ZFHX3: variants seen among roughly 807,000 people sequenced by gnomAD.
ZFHX3 encodes the protein zinc finger homeobox protein 3.
A neutral mutation model predicts 279.1 loss-of-function variants in ZFHX3; 42 were observed. The ratio of observed to expected loss-of-function variants is 0.15; its 90% confidence interval spans 0.12 to 0.19. The LOEUF (loss-of-function observed/expected upper bound fraction) is 0.19. Among genes scored for constraint, ZFHX3 ranks in the 10% least tolerant of loss-of-function variants. The pLI, the probability that ZFHX3 is intolerant of heterozygous loss-of-function variation, is 1.00. For missense variants in ZFHX3, 4,981 were observed against 4,754.0 expected (o/e 1.05, Z -1.40); for synonymous variants, 2,293 against 1,957.8 (o/e 1.17, Z -4.52).
chr16:73,248,028 T>C (rs1169865111), intron 5 of ZFHX3, among the ~76,000 whole-genome samples: 1 of 151,940 alleles, frequency 6.6e-6, no homozygotes, highest in African/African-American at 2.4e-5. Flanking sequence ...ATAATGTGTG[T>C]GTGTATATGT....
intron 1 of ZFHX3, among the ~76,000 whole-genome samples, chr16:73,695,867 T>C (rs1482745348): frequency 6.6e-6 from 1 of 152,082 alleles, no homozygotes; most frequent in Admixed American, 6.6e-5. Context: ...ACACCCAGGC[T>C]CGGCAAGAAG....
At chr16:73,258,416 C>G (rs2013721562) in intron 4 of ZFHX3, among the ~76,000 whole-genome samples, 1 of 151,906 alleles carries the variant, frequency 6.6e-6, no homozygotes, top group Non-Finnish European at 1.5e-5. Flanking sequence ...GTGGTGCAAT[C>G]TCGGCTCACT....
intron 1 of ZFHX3, among the ~76,000 whole-genome samples, chr16:73,777,962 T>C (rs1262374017): frequency 6.6e-6 from 1 of 152,082 alleles, no homozygotes; most frequent in Non-Finnish European, 1.5e-5. Flanking sequence ...AGAAACTCAC[T>C]CTGGCTACAC....
At chr16:73,524,504 C>T (rs2019658962) in intron 2 of ZFHX3, among the ~76,000 whole-genome samples, 1 of 152,204 alleles carries the variant, frequency 6.6e-6, no homozygotes. Context: ...CCTACCACTT[C>T]CCAAAGAGCT....
Position 73,805,073 on chromosome 16 carries a change from ACAAT to A in ZFHX3, c.-1608+86574_-1608+86577del, listed in dbSNP as rs376479555. On this transcript the variant is annotated intron_variant, in intron 1 of 17. Transcript: ENST00000641206. ...ATGTATTTCCTGCTGCACCTCTGACACAATCAGAGAAAATACCCTAACTATAGCT... is the reference window on the plus strand; with the variant it reads ...ATGTATTTCCTGCTGCACCTCTGACACAGAGAAAATACCCTAACTATAGCT... Among the ~76,000 whole-genome samples the A allele has an allele frequency of 8.5e-5, 13 of 152,294 alleles. No homozygotes were observed. The East Asian group carries it at 1.5e-3, about 18-fold the overall frequency.
Position 72,801,133 on chromosome 16 carries a change from G to A in ZFHX3, c.3865-1004C>T, listed in dbSNP as rs183285661. ...ATATGGGGTGGGAAGGGTAGGTGGC[G>A]ATGATATTTCAAATGAATTAGAAAC... On this transcript the variant is annotated intron_variant, in intron 7 of 9. Transcript: ENST00000268489. Among the ~76,000 whole-genome samples, 320 of 152,278 alleles carry A rather than the reference G, an allele frequency of 2.1e-3. 1 individual carries two copies. Among genetic ancestry groups the A allele is most frequent in the Non-Finnish European group, 3.7e-3 (254 of 68,012 alleles).
intron 2 of ZFHX3, among the ~76,000 whole-genome samples, chr16:73,539,441 T>C (rs1038846946): frequency 4.0e-5 from 5 of 124,746 alleles, no homozygotes; most frequent in African/African-American, 1.5e-4. Flanking sequence ...TTCTTTTTTT[T>C]TTTTTTTTTT....
At chr16:73,359,594 A>AG (rs1016075839) in intron 3 of ZFHX3, among the ~76,000 whole-genome samples, 25 of 152,286 alleles carry the variant, frequency 1.6e-4, no homozygotes, top group Admixed American at 5.2e-4. Flanking sequence ...TGTGTCTGTG[A>AG]GCCCAGAGGC....
intron 3 of ZFHX3, among the ~76,000 whole-genome samples, chr16:73,415,928 T>G (rs12924870): frequency 6.6e-6 from 1 of 151,806 alleles, no homozygotes; most frequent in African/African-American, 2.4e-5. Flanking sequence ...AAGACTAGCC[T>G]GGCCAACATG....
At chr16:73,105,392 CACATAT>C (rs768952587) in intron 7 of ZFHX3, among the ~76,000 whole-genome samples, 1 of 122,726 alleles carries the variant, frequency 8.1e-6, no homozygotes, top group Non-Finnish European at 1.6e-5. Flanking sequence ...TACACACACA[CACATAT>C]ATATATATAT....
intron 4 of ZFHX3, among the ~76,000 whole-genome samples, chr16:73,284,783 A>G (rs2014552111): frequency 6.6e-6 from 1 of 152,164 alleles, no homozygotes; most frequent in Non-Finnish European, 1.5e-5. Flanking sequence ...TATGACCAAC[A>G]CTGAAATGAA....
At chr16:73,757,872 C>T (rs770263204) in intron 1 of ZFHX3, among the ~76,000 whole-genome samples, 106 of 152,282 alleles carry the variant, frequency 7.0e-4, no homozygotes, top group South Asian at 1.5e-3. Flanking sequence ...GATTTTGTGA[C>T]TCACTGGGAC....
At chr16:73,354,214 C>G (rs1229365044) in intron 3 of ZFHX3, among the ~76,000 whole-genome samples, 1 of 152,208 alleles carries the variant, frequency 6.6e-6, no homozygotes, top group African/African-American at 2.4e-5. Flanking sequence ...ATCCATTTAT[C>G]TGAAATTCAA....
intron 5 of ZFHX3, among the ~76,000 whole-genome samples, chr16:73,237,935 C>T (rs1336027592): frequency 6.6e-6 from 1 of 152,092 alleles, no homozygotes. Context: ...TTTACTTCTT[C>T]ACTCCGCTTT....
chr16:72,922,171 G>C (rs552966867), intron 3 of ZFHX3, among the ~76,000 whole-genome samples: 90 of 152,294 alleles, frequency 5.9e-4, no homozygotes, highest in Non-Finnish European at 1.1e-3. Context: ...GGTTCTTGCG[G>C]AGAACTTTAA....
intron 4 of ZFHX3, among the ~76,000 whole-genome samples, chr16:73,265,626 G>A (rs1015971155): frequency 1.3e-5 from 2 of 152,162 alleles, no homozygotes; most frequent in African/African-American, 4.8e-5. Context: ...CTTTAGAAGA[G>A]GAATGAGGAA....
chr16:73,347,844 A>G (rs1472443618), intron 3 of ZFHX3, among the ~76,000 whole-genome samples: 2 of 152,364 alleles, frequency 1.3e-5, no homozygotes, highest in African/African-American at 4.8e-5. Flanking sequence ...TAAAGTCCTG[A>G]ACACTATAAA....
rs1009869128 is a variant in ZFHX3, at chr16:73,294,989, G to A, written c.-1194+23251C>T. Among the ~76,000 whole-genome samples the A allele has an allele frequency of 5.3e-5, 8 of 151,548 alleles. No individual in the cohort carries two copies. The East Asian group carries it at 9.8e-4, about 18-fold the overall frequency. ...AGCACTTTCGGAGGCCGAGACGGGC[G>A]GATCACGAGGTCAGGAGATCGAGAC... On this transcript the variant is annotated intron_variant, in intron 4 of 17. Transcript: ENST00000641206.
intron 1 of ZFHX3, among the ~76,000 whole-genome samples, chr16:73,761,639 T>A (rs954135137): frequency 5.3e-5 from 8 of 152,004 alleles, no homozygotes; most frequent in African/African-American, 1.9e-4. Flanking sequence ...AACAGACACA[T>A]AGACCAATGG....
Sources: allele counts gnomAD v4.1 joint callset (sites outside exome capture counted in the v4.1 genomes callset), GRCh38; gene constraint gnomAD v4.1.1; transcripts MANE v1.5; gene names NCBI Gene and HGNC (gene_info 2026-07-23, HGNC 2026-07-21).